The following DBT variants were observed in gnomAD, a reference collection of about 807,000 sequenced individuals.
DBT encodes the protein dihydrolipoamide branched chain transacylase E2.
DBT carries 40 observed loss-of-function variants against 51.3 expected under a neutral mutation model. The observed-to-expected ratio is 0.78, with a 90% CI of 0.61 to 1.02. The LOEUF (loss-of-function observed/expected upper bound fraction) is 1.02, where lower values mean the gene tolerates loss of function less well. DBT is among the 50% of genes least tolerant of loss of function. The pLI is 0.00. For missense variants in DBT, 510 were observed against 580.2 expected (o/e 0.88, Z 1.24); for synonymous variants, 181 against 190.4 (o/e 0.95, Z 0.41).
intron 4 of DBT, among the ~76,000 whole-genome samples, chr1:100,226,014 ACAAAT>A (rs1005275590): frequency 6.6e-6 from 1 of 151,934 alleles, no homozygotes; most frequent in Non-Finnish European, 1.5e-5. Context: ...ACAAAACAAA[ACAAAT>A]AACAAACTCC....
Position 100,230,850 on chromosome 1 carries a change from C to T in DBT, c.316G>A (p.Ala106Thr). 6.2e-7 allele frequency: 1 copy of T among 1,606,332 alleles called. No homozygotes were observed. The change falls in exon 4 of 11, where the codon GCT (alanine) becomes ACT (threonine). Residue 106 changes from alanine to threonine, a missense_variant. Coordinates refer to ENST00000370132, the MANE Select transcript of DBT (RefSeq NM_001918.5). ...DSICEVQSDK[A>T]SVTITSRYDG... The stretch of plus-strand genomic sequence containing the variant: ...TAACGACTAGTGATGGTAACAGAAG[C>T]TTTATCACTTTGAACTTCACAGATG...
chr1:100,192,777 A>C lies in DBT; in HGVS notation c.*3478T>G, dbSNP rs376749142. 5 of 152,320 alleles carry C rather than the reference A, an allele frequency of 3.3e-5. No individual in the cohort carries two copies. The highest frequency in any genetic ancestry group is 1.2e-4 in the African/African-American group (5 of 41,568). The allele number at this position is 152,320 out of a possible 1,614,324, so 9.4% of individuals were successfully genotyped here. A position where few individuals can be genotyped will look rare whatever the true frequency, so the allele number is the denominator to read the frequency against. On this transcript the variant is annotated 3_prime_UTR_variant, in exon 11 of 11. Transcript: ENST00000370132. The stretch of plus-strand genomic sequence containing the variant: ...GTTGTACTTCCTTTTCAAATATCAG[A>C]GGAATGCTCAAAATAATGAAAAGAG...
chr1:100,248,321 T>C (rs10127510), intron 1 of DBT, among the ~76,000 whole-genome samples: 116,815 of 152,104 alleles, frequency 0.77, 46,775 homozygotes, highest in East Asian at 0.94. Context: ...CCACTTAATG[T>C]GAGCTGACAT....
chr1:100,213,383 G>C (rs917295153), intron 7 of DBT: 7 of 1,555,922 alleles, frequency 4.5e-6, no homozygotes, highest in African/African-American at 1.4e-5. Flanking sequence ...GCACGGCTAC[G>C]GCGCCATCCC....
At chr1:100,200,946 T>C (rs1661399795) in intron 10 of DBT, among the ~76,000 whole-genome samples, 1 of 152,078 alleles carries the variant, frequency 6.6e-6, no homozygotes, top group South Asian at 2.1e-4. Flanking sequence ...TCCATAAAGA[T>C]GAGGAAAAAC....
intron 1 of DBT, among the ~76,000 whole-genome samples, chr1:100,248,417 C>T (rs2100860090): frequency 6.6e-6 from 1 of 152,280 alleles, no homozygotes; most frequent in African/African-American, 2.4e-5. Flanking sequence ...ACATCACGTA[C>T]ATATGAAACT....
At position 100,189,088 on chromosome 1, in the gene DBT, C is replaced by G. The variant is rs1306068343; in HGVS notation, c.*7167G>C. ...AGGCACCGTGGCTCATGCCTGTAAT[C>G]CCAAAGCTTTGTGAGGTGGAGGCGG... On this transcript the variant is annotated 3_prime_UTR_variant, in exon 11 of 11. Transcript: ENST00000370132. 6.6e-6 allele frequency: 1 copy of G among 152,250 alleles called. No homozygotes were observed. Among genetic ancestry groups the G allele is most frequent in the Admixed American group, 6.5e-5 (1 of 15,276 alleles). 9.4% of individuals were successfully genotyped at this position (152,250 alleles called of 1,614,324 possible).
At chr1:100,246,888 C>G (rs760542293) in intron 1 of DBT, among the ~76,000 whole-genome samples, 1 of 152,114 alleles carries the variant, frequency 6.6e-6, no homozygotes, top group Non-Finnish European at 1.5e-5. Context: ...TAAGACCTGA[C>G]GGATGAGTAG....
At chr1:100,231,316 A>G (rs768498213) in intron 3 of DBT, among the ~76,000 whole-genome samples, 2 of 152,296 alleles carry the variant, frequency 1.3e-5, no homozygotes, top group Middle Eastern at 3.4e-3. Flanking sequence ...GATGTCCTCA[A>G]TACATATCCT....
chr1:100,225,980 C>A (rs1031629921), intron 4 of DBT, among the ~76,000 whole-genome samples: 3 of 152,084 alleles, frequency 2.0e-5, no homozygotes, highest in Non-Finnish European at 4.4e-5. Context: ...TACAACAGAG[C>A]AAGACCCCAT....
At chr1:100,233,467 A>G (rs369183220) in intron 3 of DBT, among the ~76,000 whole-genome samples, 1 of 152,234 alleles carries the variant, frequency 6.6e-6, no homozygotes, top group African/African-American at 2.4e-5. Flanking sequence ...GCTTCATTTT[A>G]TAGAACACAA....
At chr1:100,212,549 GAAGA>G (rs1236482865) in intron 7 of DBT, among the ~76,000 whole-genome samples, 4 of 151,654 alleles carry the variant, frequency 2.6e-5, no homozygotes, top group South Asian at 2.1e-4. Context: ...AAAAAAAAAA[GAAGA>G]AAGAAAGAAA....
At chr1:100,200,180 AGCAGTCT>A (rs764990218) in intron 10 of DBT, among the ~76,000 whole-genome samples, 2 of 152,170 alleles carry the variant, frequency 1.3e-5, no homozygotes, top group African/African-American at 4.8e-5. Flanking sequence ...CTGCCAGCAC[AGCAGTCT>A]GAAGTCGACC....
intron 4 of DBT, among the ~76,000 whole-genome samples, chr1:100,223,989 GA>G (rs748702559): frequency 6.6e-6 from 1 of 151,786 alleles, no homozygotes; most frequent in South Asian, 2.1e-4. Flanking sequence ...TCATAGATAG[GA>G]CTTGGAGGTC....
chr1:100,211,072 T>G (rs779719723), intron 7 of DBT: 5 of 777,932 alleles, frequency 6.4e-6, no homozygotes, highest in African/African-American at 1.7e-5. Context: ...GTCTAAATTC[T>G]AGGTGATTTC....
At position 100,187,991 on chromosome 1, in the gene DBT, G is replaced by C. The variant is rs1227597871; in HGVS notation, c.*8264C>G. ...ATACACCTAGTTATTAGAGAAATTA[G>C]TGCACTAAAGGACAGTGGTGGTTTT... On this transcript the variant is annotated 3_prime_UTR_variant, in exon 11 of 11. Coordinates refer to ENST00000370132, the MANE Select transcript of DBT (RefSeq NM_001918.5). The C allele has an allele frequency of 6.6e-6, 1 of 152,084 alleles. No homozygotes were observed. The highest frequency in any genetic ancestry group is 1.9e-4 in the East Asian group (1 of 5,192). 9.4% of individuals were successfully genotyped at this position (152,084 alleles called of 1,614,324 possible). A position where few individuals can be genotyped will look rare whatever the true frequency, so the allele number is the denominator to read the frequency against.
At chr1:100,201,742 G>A (rs954629219) in intron 10 of DBT, among the ~76,000 whole-genome samples, 3 of 152,128 alleles carry the variant, frequency 2.0e-5, no homozygotes, top group Non-Finnish European at 4.4e-5. Flanking sequence ...GAGTGTGGGG[G>A]CCAATATTGA....
rs1431500513 is a variant in DBT at position 100,249,782 on chromosome 1, A to G, written c.39T>C (p.Asn13=). The change falls in exon 1 of 11, where the codon AAT becomes AAC. Residue 13 remains asparagine, a synonymous_variant. Transcript: ENST00000370132. ...CAAACGTGCTTACCAGCTTCCCCGC[A>G]TTCCTGCTCCAGGTTCTCAGCATAC... is the stretch of plus-strand genomic sequence containing the variant. The part of the protein sequence containing the change: ...AVRMLRTWSR[N]AGKLICVRYF... The G allele has an allele frequency of 3.1e-6, 5 of 1,614,058 alleles. No individual in the cohort carries two copies. The highest frequency in any genetic ancestry group is 3.4e-6 in the Non-Finnish European group (4 of 1,180,030).
intron 10 of DBT, among the ~76,000 whole-genome samples, chr1:100,203,117 C>CA (rs1661553489): frequency 6.6e-6 from 1 of 151,898 alleles, no homozygotes; most frequent in African/African-American, 2.4e-5. Flanking sequence ...CTGAAGGAGA[C>CA]AGAGACACAA....
Sources: gnomAD v4.1 joint callset for allele counts (sites outside exome capture counted in the v4.1 genomes callset) on GRCh38, gnomAD v4.1.1 for gene constraint, MANE v1.5 for transcripts, NCBI Gene and HGNC (gene_info 2026-07-23, HGNC 2026-07-21) for gene names.